EYS: variants seen among roughly 807,000 people sequenced by gnomAD.
The protein encoded by EYS is protein eyes shut homolog.
EYS carries 250 observed loss-of-function variants against 282.1 expected under a neutral mutation model. That is an observed-to-expected ratio of 0.89 (90% confidence interval 0.80 to 0.98). The LOEUF is 0.98. EYS is among the 50% of genes least tolerant of loss of function. EYS has a pLI of 0.00. For missense variants in EYS, 4,016 were observed against 3,709.0 expected (o/e 1.08, Z -2.15); for synonymous variants, 1,355 against 1,282.9 (o/e 1.06, Z -1.20).
At chr6:63,896,743 A>C (rs1773545759) in intron 35 of EYS, among the ~76,000 whole-genome samples, 1 of 152,152 alleles carries the variant, frequency 6.6e-6, no homozygotes, top group Non-Finnish European at 1.5e-5. Flanking sequence ...CTGGCAATCA[A>C]TGATCTTTTC....
intron 12 of EYS, among the ~76,000 whole-genome samples, chr6:65,108,054 T>C (rs1225151700): frequency 1.3e-5 from 2 of 152,062 alleles, no homozygotes; most frequent in African/African-American, 4.8e-5. Flanking sequence ...CAAGGGAAAA[T>C]AGTATTTTGC....
intron 12 of EYS, among the ~76,000 whole-genome samples, chr6:65,065,188 G>A (rs1024998319): frequency 2.6e-4 from 40 of 152,182 alleles, no homozygotes; most frequent in African/African-American, 9.4e-4. Flanking sequence ...AAAATTTGGG[G>A]TGACATAATA....
chr6:65,499,967 G>A (rs1040799392), intron 2 of EYS, among the ~76,000 whole-genome samples: 1 of 151,632 alleles, frequency 6.6e-6, no homozygotes, highest in Non-Finnish European at 1.5e-5. Flanking sequence ...TTAAAAATGA[G>A]AAAACTTAAG....
rs146663428 is a variant in EYS at position 64,186,372 on chromosome 6, G to T, written c.6424+44220C>A. On this transcript the variant is annotated intron_variant, in intron 31 of 42. Transcript: ENST00000503581. ...AATATACAATAACTGGGGGAATTAT[G>T]TTGCAACTTCTTTGTTACATTAAGA... Among the ~76,000 whole-genome samples, 81 of 152,102 alleles carry T rather than the reference G, an allele frequency of 5.3e-4. 1 individual carries two copies. The East Asian group carries it at 0.015, about 27-fold the overall frequency.
intron 35 of EYS, among the ~76,000 whole-genome samples, chr6:63,871,258 C>A (rs928205706): frequency 6.6e-6 from 1 of 152,142 alleles, no homozygotes; most frequent in South Asian, 2.1e-4. Context: ...TGGCAATAGA[C>A]ATTGAAACGT....
In EYS at chr6:64,062,553, G is replaced by A. The variant is rs149337946; in HGVS notation, c.6725+3785C>T. Among the ~76,000 whole-genome samples, 78 of 152,068 alleles carry A rather than the reference G, an allele frequency of 5.1e-4. No individual in the cohort carries two copies. In the East Asian group the frequency reaches 0.013, roughly 25 times the overall value. On this transcript the variant is annotated intron_variant, in intron 33 of 42. Transcript: ENST00000503581. ...CTAAAAACACAAAAATTAGCCAGGC[G>A]TGGTGGTGGGCACCTGTAATCCCAG...
intron 26 of EYS, among the ~76,000 whole-genome samples, chr6:64,507,824 T>C (rs1341946568): frequency 2.6e-5 from 4 of 152,196 alleles, no homozygotes; most frequent in Non-Finnish European, 5.9e-5. Flanking sequence ...ATAAGCTCTC[T>C]TTGTTTAGTT....
At chr6:64,814,498 T>G (rs1012673316) in intron 21 of EYS, among the ~76,000 whole-genome samples, 7 of 152,060 alleles carry the variant, frequency 4.6e-5, no homozygotes, top group African/African-American at 1.7e-4. Flanking sequence ...CTTTTGGCAC[T>G]TAATTTGAAC....
chr6:64,055,502 G>A (rs944728964), intron 33 of EYS, among the ~76,000 whole-genome samples: 12 of 152,148 alleles, frequency 7.9e-5, no homozygotes, highest in African/African-American at 2.4e-4. Flanking sequence ...TTCCCCACTC[G>A]CAGGATTCTG....
intron 26 of EYS, among the ~76,000 whole-genome samples, chr6:64,442,800 C>T (rs566061878): frequency 1.2e-3 from 167 of 142,530 alleles, no homozygotes; most frequent in African/African-American, 3.9e-3. Flanking sequence ...GAACCTCTGC[C>T]TAGATTTCAG....
chr6:65,329,619 A>C (rs1582146953), intron 11 of EYS: 2 of 980,592 alleles, frequency 2.0e-6, no homozygotes, highest in East Asian at 2.3e-4. Context: ...TTTTACTTGA[A>C]GGCAGAAAAG....
chr6:64,371,233 C>A (rs1772359059), intron 29 of EYS, among the ~76,000 whole-genome samples: 1 of 151,530 alleles, frequency 6.6e-6, no homozygotes, highest in Non-Finnish European at 1.5e-5. Flanking sequence ...CCATTAGTTT[C>A]AAAGAATTTC....
chr6:63,809,974 G>A (rs1237908810), intron 36 of EYS, among the ~76,000 whole-genome samples: 1 of 151,576 alleles, frequency 6.6e-6, no homozygotes, highest in African/African-American at 2.4e-5. Context: ...GGGCACGGTG[G>A]CTCATGCCTG....
At chr6:65,392,393 A>C (rs923791690) in intron 7 of EYS, among the ~76,000 whole-genome samples, 5 of 152,268 alleles carry the variant, frequency 3.3e-5, no homozygotes, top group South Asian at 2.1e-4. Flanking sequence ...CAAGCAACAA[A>C]ATGGGAGAAA....
chr6:64,128,866 C>T (rs1373983445), intron 31 of EYS, among the ~76,000 whole-genome samples: 1 of 152,102 alleles, frequency 6.6e-6, no homozygotes, highest in Admixed American at 6.6e-5. Flanking sequence ...AATGATTATA[C>T]ACTGTGATAA....
intron 26 of EYS, among the ~76,000 whole-genome samples, chr6:64,483,249 T>C (rs901448772): frequency 3.3e-5 from 5 of 151,612 alleles, no homozygotes; most frequent in African/African-American, 1.2e-4. Context: ...TACCAAAAAG[T>C]ATGTGGAACG....
chr6:65,496,874 A>C (rs1353189435), intron 2 of EYS, among the ~76,000 whole-genome samples: 1 of 152,068 alleles, frequency 6.6e-6, no homozygotes, highest in African/African-American at 2.4e-5. Context: ...TTCATATCAA[A>C]TCTTTATGGT....
At chr6:64,120,279 C>G (rs1021537439) in intron 31 of EYS, among the ~76,000 whole-genome samples, 5 of 149,568 alleles carry the variant, frequency 3.3e-5, no homozygotes, top group Non-Finnish European at 7.4e-5. Context: ...TGGCGTGAAC[C>G]CAGGAGGCGG....
At chr6:65,049,864 A>G (rs1773213916) in intron 13 of EYS, among the ~76,000 whole-genome samples, 1 of 151,684 alleles carries the variant, frequency 6.6e-6, no homozygotes, top group African/African-American at 2.4e-5. Context: ...ATAATAGGTA[A>G]CTCAGCTGGG....
Sources: gnomAD v4.1 joint callset for allele counts (sites outside exome capture counted in the v4.1 genomes callset) on GRCh38, gnomAD v4.1.1 for gene constraint, MANE v1.5 for transcripts, NCBI Gene and HGNC (gene_info 2026-07-23, HGNC 2026-07-21) for gene names.